Variants in CLSTN2 observed in about 807,000 individuals in gnomAD.
CLSTN2 encodes calsyntenin-2.
In CLSTN2, 48 loss-of-function variants were observed where a neutral mutation model predicts 101.2. The observed-to-expected ratio is 0.47, with a 90% confidence interval of 0.38 to 0.60. The LOEUF is 0.60. CLSTN2 is among the 20% of genes least tolerant of loss of function. CLSTN2 has a pLI of 0.00. For synonymous variants in CLSTN2, 481 were observed against 463.6 expected, an observed-to-expected ratio of 1.04 and a Z score of -0.48; for missense variants, 1,160 against 1,238.2, an observed-to-expected ratio of 0.94 and a Z score of 0.95.
intron 2 of CLSTN2, among the ~76,000 whole-genome samples, chr3:140,352,870 A>C (rs2087624963): frequency 6.6e-6 from 1 of 152,084 alleles, no homozygotes; most frequent in African/African-American, 2.4e-5. Context: ...GCCTTACTCA[A>C]GTTGCTAGTA....
chr3:140,501,927 C>G (rs1666787358), intron 8 of CLSTN2, among the ~76,000 whole-genome samples: 1 of 152,238 alleles, frequency 6.6e-6, no homozygotes, highest in African/African-American at 2.4e-5. Context: ...TCATGGCCCA[C>G]AGTTCAAACA....
At chr3:140,207,619 G>T (rs1422589098) in intron 2 of CLSTN2, among the ~76,000 whole-genome samples, 4 of 152,166 alleles carry the variant, frequency 2.6e-5, no homozygotes, top group African/African-American at 7.2e-5. Flanking sequence ...AAATAATCAT[G>T]ACCAGCTGAG....
intron 10 of CLSTN2, 70 bp from the exon 11 acceptor site, chr3:140,556,443 G>C: frequency 1.3e-6 from 2 of 1,503,490 alleles, no homozygotes; most frequent in Non-Finnish European, 1.8e-6. Context: ...TGTATGGACA[G>C]GAAGTGCTCC....
intron 2 of CLSTN2, among the ~76,000 whole-genome samples, chr3:140,249,369 G>A (rs2086542659): frequency 6.6e-6 from 1 of 152,168 alleles, no homozygotes; most frequent in African/African-American, 2.4e-5. Context: ...TGACAACATT[G>A]TGGTTTGGAC....
At chr3:140,239,910 C>A (rs2086445358) in intron 2 of CLSTN2, among the ~76,000 whole-genome samples, 1 of 112,264 alleles carries the variant, frequency 8.9e-6, no homozygotes. Context: ...TACACACAAA[C>A]ACTCATATTT....
intron 8 of CLSTN2, among the ~76,000 whole-genome samples, chr3:140,503,101 A>G (rs997754889): frequency 6.6e-6 from 1 of 152,118 alleles, no homozygotes; most frequent in Non-Finnish European, 1.5e-5. Context: ...TTCATTCATC[A>G]CATCATGTCT....
intron 2 of CLSTN2, among the ~76,000 whole-genome samples, chr3:140,280,242 T>G (rs970531580): frequency 6.6e-6 from 1 of 152,198 alleles, no homozygotes; most frequent in Admixed American, 6.5e-5. Flanking sequence ...ATATTACCAT[T>G]TCAATATCCA....
intron 2 of CLSTN2, among the ~76,000 whole-genome samples, chr3:140,189,079 A>G (rs949100317): frequency 1.3e-5 from 2 of 152,196 alleles, no homozygotes; most frequent in Non-Finnish European, 2.9e-5. Flanking sequence ...CTGGAAATTC[A>G]TCTAAGTTGT....
At chr3:139,985,234 A>G (rs538675647) in intron 1 of CLSTN2, among the ~76,000 whole-genome samples, 1 of 152,136 alleles carries the variant, frequency 6.6e-6, no homozygotes, top group Non-Finnish European at 1.5e-5. Context: ...ATTGTCCTCT[A>G]TCTGAAATCT....
chr3:140,333,039 A>G (rs1248908646), intron 2 of CLSTN2, among the ~76,000 whole-genome samples: 4 of 152,180 alleles, frequency 2.6e-5, no homozygotes, highest in Non-Finnish European at 2.9e-5. Context: ...GGCCATTAAA[A>G]GAGACAGTAC....
intron 2 of CLSTN2, among the ~76,000 whole-genome samples, chr3:140,270,978 G>A (rs931701525): frequency 6.6e-6 from 1 of 152,128 alleles, no homozygotes; most frequent in Non-Finnish European, 1.5e-5. Context: ...CCATTGGATA[G>A]TCTTGCAACA....
At chr3:140,479,491 C>T (rs1934066202) in intron 8 of CLSTN2, among the ~76,000 whole-genome samples, 1 of 152,066 alleles carries the variant, frequency 6.6e-6, no homozygotes, top group African/African-American at 2.4e-5. Context: ...ACCTAAGGTC[C>T]AGAGTAAAAT....
At position 140,083,205 on chromosome 3, in the gene CLSTN2, G is replaced by A. The variant is rs4683476; in HGVS notation, c.110-92746G>A. On this transcript the variant is annotated intron_variant, in intron 1 of 16. Coordinates refer to ENST00000458420, the MANE Select transcript of CLSTN2 (RefSeq NM_022131.3). Reference sequence around the variant, plus strand: ...TATGATGATTTGAATATTTAATGTCGTCTTCTCAAGACTGTAAGCTCTATG... The same window carrying A: ...TATGATGATTTGAATATTTAATGTCATCTTCTCAAGACTGTAAGCTCTATG... Among the ~76,000 whole-genome samples the A allele has an allele frequency of 2.7e-3, 403 of 151,982 alleles. 8 individuals are homozygous for A. The highest frequency in any genetic ancestry group is 0.022 in the Admixed American group (342 of 15,260).
At chr3:140,184,604 C>T (rs2010459254) in intron 2 of CLSTN2, among the ~76,000 whole-genome samples, 1 of 152,096 alleles carries the variant, frequency 6.6e-6, no homozygotes, top group Non-Finnish European at 1.5e-5. Context: ...TATCACTGTC[C>T]CACTGGCTAA....
chr3:140,267,618 G>A (rs1236060446), intron 2 of CLSTN2, among the ~76,000 whole-genome samples: 1 of 152,206 alleles, frequency 6.6e-6, no homozygotes, highest in African/African-American at 2.4e-5. Context: ...AGACCGGGCT[G>A]TTTAAAACCA....
At chr3:140,112,084 G>T (rs1028013529) in intron 1 of CLSTN2, among the ~76,000 whole-genome samples, 2 of 152,190 alleles carry the variant, frequency 1.3e-5, no homozygotes, top group African/African-American at 2.4e-5. Context: ...CCCAGTGAAA[G>T]AATTGGAAGG....
At chr3:140,199,110 G>A (rs2010685857) in intron 2 of CLSTN2, among the ~76,000 whole-genome samples, 1 of 152,154 alleles carries the variant, frequency 6.6e-6, no homozygotes. Context: ...GCCAGAAGAT[G>A]GAAAATCAGT....
intron 1 of CLSTN2, among the ~76,000 whole-genome samples, chr3:140,171,743 A>G (rs2010226746): frequency 8.8e-6 from 1 of 113,922 alleles, no homozygotes; most frequent in Non-Finnish European, 1.7e-5. Flanking sequence ...ATATATTAAT[A>G]TATAATATGT....
chr3:140,556,965 C>T (rs1015196548), intron 11 of CLSTN2: 37 of 306,060 alleles, frequency 1.2e-4, no homozygotes, highest in African/African-American at 6.4e-4. Flanking sequence ...TCTGGGTGTG[C>T]GTTTGAAGTG....
Sources: allele counts gnomAD v4.1 joint callset (sites outside exome capture counted in the v4.1 genomes callset), GRCh38; gene constraint gnomAD v4.1.1; transcripts MANE v1.5; gene names NCBI Gene and HGNC (gene_info 2026-07-23, HGNC 2026-07-21).